Variants in PPM1K observed in about 807,000 individuals in gnomAD.
The protein encoded by PPM1K is protein phosphatase Mn(2+)-dependent 1K.
A neutral mutation model predicts 32.6 loss-of-function variants in PPM1K; 19 were observed. The observed-to-expected ratio is 0.58, with a 90% CI of 0.41 to 0.86. PPM1K has a LOEUF of 0.86. PPM1K is among the 40% of genes least tolerant of loss of function. The probability of loss-of-function intolerance (pLI) is 0.00; values close to 1 mark genes in which losing one functional copy is unlikely to be tolerated. For synonymous variants in PPM1K, 159 were observed against 165.3 expected, an observed-to-expected ratio of 0.96 and a Z score of 0.29; for missense variants, 362 against 461.2, an observed-to-expected ratio of 0.78 and a Z score of 1.97.
chr4:88,277,732 A>C, intron 2 of PPM1K: 1 of 212,888 alleles, frequency 4.7e-6, no homozygotes, highest in Non-Finnish European at 9.4e-6. Context: ...TTCCACACTA[A>C]TGCCAATCAT....
intron 3 of PPM1K, among the ~76,000 whole-genome samples, chr4:88,272,995 G>A (rs910302381): frequency 2.6e-5 from 4 of 152,262 alleles, no homozygotes; most frequent in Non-Finnish European, 5.9e-5. Flanking sequence ...CACACATGCC[G>A]GGCAGAAAAG....
Position 88,277,195 on chromosome 4 carries a change from A to C in PPM1K, c.489T>G (p.Ala163=). ...AAAAGGCTTTATCTATTTCTAGAAA[A>C]GCCAAGGTCAACAGAGTTTCCAAGT... is the stretch of plus-strand genomic sequence containing the variant. The part of the protein sequence containing the change: ...EKNLETLLTL[A]FLEIDKAFSS... Residue 163 remains alanine, a synonymous_variant, in exon 3 of 7, where the codon GCT becomes GCG. Transcript: ENST00000608933. 1 of 1,614,148 alleles carries C rather than the reference A, an allele frequency of 6.2e-7. No individual in the cohort carries two copies. The highest frequency in any genetic ancestry group is 8.5e-7 in the Non-Finnish European group (1 of 1,179,988).
chr4:88,267,230 G>A (rs2110157743), intron 5 of PPM1K, among the ~76,000 whole-genome samples: 1 of 151,528 alleles, frequency 6.6e-6, no homozygotes, highest in Middle Eastern at 3.4e-3. Flanking sequence ...CTGATTGGGT[G>A]CAGATGATGC....
chr4:88,268,060 A>G, intron 5 of PPM1K, 130 bp downstream of exon 5: 3 of 962,952 alleles, frequency 3.1e-6, no homozygotes, highest in Non-Finnish European at 4.7e-6. Context: ...AAGTTTTTTT[A>G]TCCTTCCATA....
At chr4:88,277,067 T>C in intron 3 of PPM1K, 76 bp downstream of exon 3, 1 of 1,138,324 alleles carries the variant, frequency 8.8e-7, no homozygotes, top group South Asian at 1.3e-5. Context: ...CCCAAAGGAC[T>C]TAAAGTGTTT....
At chr4:88,269,994 C>T (rs369159343) in intron 3 of PPM1K, among the ~76,000 whole-genome samples, 3 of 152,110 alleles carry the variant, frequency 2.0e-5, no homozygotes, top group East Asian at 1.9e-4. Flanking sequence ...TGGAAGAAAT[C>T]GGAAAAGATA....
rs1198324227 is a variant in PPM1K at position 88,257,885 on chromosome 4, G to A, written c.*4710C>T. ...TCTGTACTAGAATCCAACAGCAAAT[G>A]AGTCATTCTTGGAAGTGGAAGAACT... On this transcript the variant is annotated 3_prime_UTR_variant, in exon 7 of 7. Transcript: ENST00000608933. 6.6e-6 allele frequency: 1 copy of A among 152,304 alleles called. No individual in the cohort carries two copies. Among genetic ancestry groups the A allele is most frequent in the Admixed American group, 6.5e-5 (1 of 15,296 alleles). 9.4% of individuals were successfully genotyped at this position (152,304 alleles called of 1,614,324 possible). A position where few individuals can be genotyped will look rare whatever the true frequency, so the allele number is the denominator to read the frequency against.
At chr4:88,282,852 T>C (rs932493267) in intron 1 of PPM1K, among the ~76,000 whole-genome samples, 5 of 152,224 alleles carry the variant, frequency 3.3e-5, no homozygotes, top group African/African-American at 1.2e-4. Flanking sequence ...AACCTGTAAC[T>C]TTATAATGCC....
chr4:88,278,832 G>C lies in PPM1K; in HGVS notation c.-59-190C>G, dbSNP rs1731898921. ...ATATATTTATGTTATATATTGGGTA[G>C]GCATCCAGTAGCCTGCTTCTAAGAA... On this transcript the variant is annotated intron_variant, in intron 1 of 6. Transcript: ENST00000608933. This position sits in a 1 kb window ranked among gnomAD's most constrained non-coding sequence, Gnocchi z 4.2. 2.3e-6 allele frequency: 1 copy of C among 440,266 alleles called. No individual in the cohort carries two copies. Among genetic ancestry groups the C allele is most frequent in the South Asian group, 3.3e-5 (1 of 30,500 alleles). 27.3% of individuals were successfully genotyped at this position (440,266 alleles called of 1,614,324 possible). A position where few individuals can be genotyped will look rare whatever the true frequency, so the allele number is the denominator to read the frequency against.
intron 3 of PPM1K, chr4:88,271,276 G>A (rs1731548061): frequency 4.2e-6 from 1 of 239,008 alleles, no homozygotes; most frequent in African/African-American, 2.3e-5. Flanking sequence ...ACAGGGGAGA[G>A]CAGAGAAAGA....
At chr4:88,283,605 C>T (rs2110178283) in intron 1 of PPM1K, among the ~76,000 whole-genome samples, 1 of 152,376 alleles carries the variant, frequency 6.6e-6, no homozygotes, top group Non-Finnish European at 1.5e-5. Context: ...CTCTTTGTCA[C>T]ATCCGGTGAA....
At chr4:88,273,589 G>T (rs929026169) in intron 3 of PPM1K, among the ~76,000 whole-genome samples, 1 of 151,990 alleles carries the variant, frequency 6.6e-6, no homozygotes, top group African/African-American at 2.4e-5. Flanking sequence ...GCTGAGGCAG[G>T]GGAATCACTT....
chr4:88,272,077 C>T (rs569893229), intron 3 of PPM1K, among the ~76,000 whole-genome samples: 4 of 152,222 alleles, frequency 2.6e-5, no homozygotes, highest in African/African-American at 9.6e-5. Context: ...AGTATAATGA[C>T]CCCTAGTAAT....
Position 88,257,659 on chromosome 4 carries a change from C to T in PPM1K, c.*4936G>A, listed in dbSNP as rs1396727904. 1 of 152,158 alleles carries T rather than the reference C, an allele frequency of 6.6e-6. No homozygotes were observed. Among genetic ancestry groups the T allele is most frequent in the Admixed American group, 6.5e-5 (1 of 15,268 alleles). 9.4% of individuals were successfully genotyped at this position (152,158 alleles called of 1,614,324 possible). ...TACTTTATTAGAATGATATTTTGAACACTGAGATAATGTGATTTCATTCTG... is the reference window on the plus strand; with the variant it reads ...TACTTTATTAGAATGATATTTTGAATACTGAGATAATGTGATTTCATTCTG... On this transcript the variant is annotated 3_prime_UTR_variant, in exon 7 of 7. Transcript: ENST00000608933.
intron 3 of PPM1K, chr4:88,275,549 T>C (rs920944959): frequency 2.0e-6 from 2 of 985,264 alleles, no homozygotes; most frequent in Non-Finnish European, 2.4e-6. Context: ...GCTGATGGCA[T>C]TGAGAAGGCC....
rs1043441048 is a variant in PPM1K at position 88,278,759 on chromosome 4, T to C, written c.-59-117A>G. ...AATTTTGAATATAACTGATATGTCA[T>C]CAAATATTACCAAAAATGAAGCTCA... On this transcript the variant is annotated intron_variant, in intron 1 of 6. Transcript: ENST00000608933. The surrounding 1 kb of genome is among the most constrained non-coding windows in gnomAD (Gnocchi z 4.2). 5.2e-6 allele frequency: 3 copies of C among 575,156 alleles called. No homozygotes were observed. The highest frequency in any genetic ancestry group is 9.1e-6 in the Non-Finnish European group (3 of 328,144). The allele number at this position is 575,156 out of a possible 1,614,324, so 35.6% of individuals were successfully genotyped here.
At chr4:88,270,950 C>T (rs1287345496) in intron 3 of PPM1K, 1 of 335,010 alleles carries the variant, frequency 3.0e-6, no homozygotes, top group Non-Finnish European at 5.9e-6. Context: ...TTTTGCCTAA[C>T]AACAAAACTA....
chr4:88,272,781 T>C (rs990725216), intron 3 of PPM1K, among the ~76,000 whole-genome samples: 7 of 152,258 alleles, frequency 4.6e-5, no homozygotes, highest in African/African-American at 1.7e-4. Context: ...TTGCCATTTC[T>C]TGATAAGTGG....
At chr4:88,276,508 T>C in intron 3 of PPM1K, 1 of 985,404 alleles carries the variant, frequency 1.0e-6, no homozygotes, top group Non-Finnish European at 1.2e-6. Flanking sequence ...CTTTCAAAAT[T>C]TAAGGACATA....
Sources: allele counts gnomAD v4.1 joint callset (sites outside exome capture counted in the v4.1 genomes callset), GRCh38; gene constraint gnomAD v4.1.1; non-coding constraint Gnocchi (gnomAD v3.1); transcripts MANE v1.5; gene names NCBI Gene and HGNC (gene_info 2026-07-23, HGNC 2026-07-21).